The following ITGA2 variants were observed in gnomAD, a reference collection of about 807,000 sequenced individuals.
ITGA2 encodes the protein integrin alpha-2.
Under a neutral mutation model 146.3 loss-of-function variants are expected in ITGA2, and 101 were observed. The observed-to-expected ratio is 0.69, with a 90% CI of 0.59 to 0.81. The LOEUF is 0.81. Ranked by LOEUF, ITGA2 falls within the 40% of genes least tolerant of loss-of-function variation. ITGA2 has a pLI of 0.00. For synonymous variants in ITGA2, 477 were observed against 487.1 expected, an observed-to-expected ratio of 0.98 and a Z score of 0.27; for missense variants, 1,281 against 1,402.7, an observed-to-expected ratio of 0.91 and a Z score of 1.39.
At position 53,055,827 on chromosome 5, in the gene ITGA2, T is replaced by C; in HGVS notation, c.930+139T>C. On this transcript the variant is annotated intron_variant, in intron 8 of 29. Coordinates refer to ENST00000296585, the MANE Select transcript of ITGA2 (RefSeq NM_002203.4). The stretch of plus-strand genomic sequence containing the variant: ...AAGTTCTTACTCTATCTCTGCTTCT[T>C]GATGATTTTCAATCCTGTCTACTAA... 6 of 1,273,658 alleles carry C rather than the reference T, an allele frequency of 4.7e-6. No individual in the cohort carries two copies. The South Asian group carries it at 6.1e-5, about 13-fold the overall frequency. 78.9% of individuals were successfully genotyped at this position (1,273,658 alleles called of 1,614,324 possible).
intron 23 of ITGA2, among the ~76,000 whole-genome samples, chr5:53,076,679 G>A (rs931629714): frequency 6.6e-6 from 1 of 151,560 alleles, no homozygotes; most frequent in African/African-American, 2.4e-5. Context: ...TCCTACAATG[G>A]CCAATATTTT....
chr5:52,993,794 A>G (rs1235511796), intron 1 of ITGA2, among the ~76,000 whole-genome samples: 4 of 152,254 alleles, frequency 2.6e-5, no homozygotes, highest in East Asian at 1.9e-4. Flanking sequence ...CAGGCATCAC[A>G]TAAATTCTAC....
In ITGA2 at chr5:53,064,929, C is replaced by T; in HGVS notation, c.1620C>T (p.His540=). ...FTIKEGILGQ[H]QFLEGPEGIE... ...TTTGCAAGGGCATTTTGGGTCAGCA[C>T]CAATTTCTTGAAGGCCCCGAGGGCA... Residue 540 remains histidine, a synonymous_variant, in exon 14 of 30, where the codon CAC becomes CAT. Coordinates refer to ENST00000296585, the MANE Select transcript of ITGA2 (RefSeq NM_002203.4). 1.2e-6 allele frequency: 2 copies of T among 1,612,668 alleles called. No homozygotes were observed. Among genetic ancestry groups the T allele is most frequent in the Middle Eastern group, 1.7e-4 (1 of 6,052 alleles).
intron 25 of ITGA2, among the ~76,000 whole-genome samples, chr5:53,080,859 C>T (rs191362570): frequency 1.3e-5 from 2 of 152,216 alleles, no homozygotes; most frequent in East Asian, 3.9e-4. Context: ...CCCATTTTGG[C>T]CTGGTGAAGA....
Position 53,065,185 on chromosome 5 carries a change from T to G in ITGA2, c.1806+70T>G, listed in dbSNP as rs41355453. 3.7e-4 allele frequency: 535 copies of G among 1,433,968 alleles called. 1 individual carries two copies. The African/African-American group carries it at 6.8e-3, about 18-fold the overall frequency. 88.8% of individuals were successfully genotyped at this position (1,433,968 alleles called of 1,614,324 possible). ...ATCATATTAGACATAGAAAGCGTCA[T>G]GTAAACCATGCAATCCGTCCGCCTT... On this transcript the variant is annotated intron_variant, in intron 14 of 29. Coordinates refer to ENST00000296585, the MANE Select transcript of ITGA2 (RefSeq NM_002203.4).
At chr5:53,072,746 T>C (rs943524817) in intron 19 of ITGA2, 51 bp downstream of exon 19, 8 of 1,349,192 alleles carry the variant, frequency 5.9e-6, no homozygotes, top group Non-Finnish European at 8.4e-6. Context: ...AAAGACATAC[T>C]AGATTACTTT....
intron 3 of ITGA2, among the ~76,000 whole-genome samples, chr5:53,043,928 G>A (rs918015849): frequency 7.9e-5 from 12 of 152,060 alleles, no homozygotes; most frequent in African/African-American, 2.9e-4. Context: ...CTCTGCAGTA[G>A]TCGTTATTCA....
intron 1 of ITGA2, among the ~76,000 whole-genome samples, chr5:52,991,438 CTG>C (rs1392571709): frequency 5.3e-5 from 8 of 151,916 alleles, no homozygotes; most frequent in Admixed American, 5.2e-4. Context: ...ACACACATAA[CTG>C]TTATAAAATT....
chr5:53,076,565 C>G (rs773318338), intron 23 of ITGA2, among the ~76,000 whole-genome samples: 3 of 151,962 alleles, frequency 2.0e-5, no homozygotes, highest in Non-Finnish European at 4.4e-5. Context: ...CAAATGCAAC[C>G]AACCCAAATT....
chr5:53,048,674 G>C lies in ITGA2; in HGVS notation c.534G>C (p.Val178=). The C allele has an allele frequency of 6.2e-7, 1 of 1,614,024 alleles. No homozygotes were observed. The highest frequency in any genetic ancestry group is 8.5e-7 in the Non-Finnish European group (1 of 1,179,968). The change falls in exon 6 of 30, where the codon GTG becomes GTC. Residue 178 remains valine (V), a synonymous_variant. Coordinates refer to ENST00000296585, the MANE Select transcript of ITGA2 (RefSeq NM_002203.4). ...CTTCCCTCATAGATGTTGTGGTTGT[G>C]TGTGATGAATCAAATAGTATTTATC... is the stretch of plus-strand genomic sequence containing the variant. The part of the protein sequence containing the change: ...PCPSLIDVVV[V]CDESNSIYPW...
chr5:53,020,674 A>T (rs553051790), intron 1 of ITGA2, among the ~76,000 whole-genome samples: 178 of 149,902 alleles, frequency 1.2e-3, no homozygotes, highest in Non-Finnish European at 2.2e-3. Context: ...ATTTTATTTT[A>T]TTATTATTAT....
At chr5:53,042,066 A>C (rs1363894011) in intron 2 of ITGA2, 46 bp from the exon 3 acceptor site, 1 of 1,108,716 alleles carries the variant, frequency 9.0e-7, no homozygotes, top group South Asian at 1.2e-5. Context: ...ATCTTTAAGA[A>C]ACTATACTTA....
At position 53,080,637 on chromosome 5, in the gene ITGA2, T is replaced by C; in HGVS notation, c.3039+16T>C. The C allele has an allele frequency of 1.3e-6, 2 of 1,580,714 alleles. No homozygotes were observed. Among genetic ancestry groups the C allele is most frequent in the Non-Finnish European group, 1.7e-6 (2 of 1,149,960 alleles). ...AACAGACAAGGTAAAGATTAAAAAA[T>C]TGCCTAAAAATGTGTACTTTCAAGA... is the stretch of plus-strand genomic sequence containing the variant. On this transcript the variant is annotated intron_variant, in intron 25 of 29. Transcript: ENST00000296585.
In ITGA2 at chr5:53,055,629, A is replaced by T. The variant is rs41377544; in HGVS notation, c.871A>T (p.Met291Leu). The T allele has an allele frequency of 4.0e-5, 65 of 1,613,322 alleles. No homozygotes were observed. The East Asian group carries it at 1.4e-3, about 35-fold the overall frequency. Residue 291 changes from methionine to leucine, a missense_variant, in exon 8 of 30, where the codon ATG becomes TTG. By Grantham distance (15) the Met-to-Leu change is conservative. Transcript: ENST00000296585. The stretch of plus-strand genomic sequence containing the variant: ...TGACGGTGAATCACATGATGGTTCA[A>T]TGTTGAAAGCTGTGATTGATCAATG... ...VTDGESHDGS[M>L]LKAVIDQCNH...
rs1365469398 is a variant in ITGA2, at chr5:53,070,169, G to T, written c.2144G>T (p.Gly715Val). 6.2e-7 allele frequency: 1 copy of T among 1,611,580 alleles called. No individual in the cohort carries two copies. The highest frequency in any genetic ancestry group is 8.5e-7 in the Non-Finnish European group (1 of 1,178,460). The change falls in exon 17 of 30, where the codon GGG becomes GTG. Residue 715 changes from glycine to valine, a missense_variant. By Grantham distance (109) the Gly-to-Val change is moderately radical (BLOSUM62 -3). This residue lies in a region of ITGA2 where 11 missense variants were observed against 30.5 expected (regional missense o/e 0.36). Transcript: ENST00000296585. The part of the protein sequence containing the change: ...DGFSSRVTSR[G>V]LFKENNERCL... ...TTTTCATCCAGAGTAACCTCCAGGG[G>T]GTTATTTAAAGAAAACAATGAAAGG...
chr5:53,005,134 G>A (rs1026951605), intron 1 of ITGA2, among the ~76,000 whole-genome samples: 1 of 151,854 alleles, frequency 6.6e-6, no homozygotes, highest in Admixed American at 6.6e-5. Flanking sequence ...TAGGTTCAGA[G>A]TCAGGGTCTG....
In ITGA2 at chr5:53,065,750, A is replaced by G. The variant is rs765111711; in HGVS notation, c.1807-91A>G. ...AATAAACACAATCTGGGACATTACT[A>G]TATAGAAAATATAATAATGAAATTC... On this transcript the variant is annotated intron_variant, in intron 14 of 29. Transcript: ENST00000296585. 4.0e-6 allele frequency: 6 copies of G among 1,503,664 alleles called. No individual in the cohort carries two copies. The Admixed American group carries it at 8.6e-5, about 22-fold the overall frequency. The allele number at this position is 1,503,664 out of a possible 1,614,324, so 93.1% of individuals were successfully genotyped here.
At chr5:53,004,567 G>A (rs555126555) in intron 1 of ITGA2, among the ~76,000 whole-genome samples, 1 of 152,234 alleles carries the variant, frequency 6.6e-6, no homozygotes, top group African/African-American at 2.4e-5. Flanking sequence ...GAGGCAGCCA[G>A]CCCCCTTCCA....
intron 16 of ITGA2, among the ~76,000 whole-genome samples, chr5:53,068,010 C>T (rs1212053982): frequency 6.6e-6 from 1 of 151,958 alleles, no homozygotes; most frequent in Non-Finnish European, 1.5e-5. Context: ...TGATTCAAAG[C>T]TACCTTCTTT....
Sources: allele counts gnomAD v4.1 joint callset (sites outside exome capture counted in the v4.1 genomes callset), GRCh38; gene constraint gnomAD v4.1.1; regional missense constraint gnomAD v4.1.1; transcripts MANE v1.5; gene names NCBI Gene and HGNC (gene_info 2026-07-23, HGNC 2026-07-21).